FAM184A: variants seen among roughly 807,000 people sequenced by gnomAD.
FAM184A encodes the protein protein FAM184A.
Under a neutral mutation model 143.8 loss-of-function variants are expected in FAM184A, and 99 were observed. The ratio of observed to expected loss-of-function variants is 0.69; its 90% CI spans 0.58 to 0.81. The LOEUF (loss-of-function observed/expected upper bound fraction) is 0.81. Ranked by LOEUF, FAM184A falls within the 40% of genes least tolerant of loss-of-function variation. FAM184A has a pLI of 0.00. For synonymous variants in FAM184A, 427 were observed against 446.4 expected (o/e 0.96, Z 0.55); for missense variants, 1,217 against 1,310.5 (o/e 0.93, Z 1.10).
intron 14 of FAM184A, among the ~76,000 whole-genome samples, chr6:118,974,124 A>G (rs1413636136): frequency 6.6e-6 from 1 of 152,132 alleles, no homozygotes. Flanking sequence ...TTTACTTAAC[A>G]TTATATATAG....
intron 5 of FAM184A, among the ~76,000 whole-genome samples, chr6:119,016,266 G>C (rs2114671714): frequency 6.6e-6 from 1 of 152,282 alleles, no homozygotes; most frequent in South Asian, 2.1e-4. Flanking sequence ...GGCTGCCCGA[G>C]CCAGCATTGA....
intron 2 of FAM184A, among the ~76,000 whole-genome samples, chr6:119,023,707 G>T (rs1314224763): frequency 6.6e-6 from 1 of 150,952 alleles, no homozygotes; most frequent in East Asian, 2.0e-4. Context: ...AATTAGACAA[G>T]GTTTTAAGCT....
At chr6:119,000,023 C>T (rs1405859808) in intron 9 of FAM184A, among the ~76,000 whole-genome samples, 4 of 152,312 alleles carry the variant, frequency 2.6e-5, no homozygotes, top group Non-Finnish European at 4.4e-5. Context: ...AGCTAAATGA[C>T]TTTGTCTCAA....
At chr6:119,013,379 G>T (rs960652502) in intron 5 of FAM184A, among the ~76,000 whole-genome samples, 4 of 152,178 alleles carry the variant, frequency 2.6e-5, no homozygotes, top group Admixed American at 6.5e-5. Flanking sequence ...CTAAAGGCAG[G>T]ACATATGCAA....
At chr6:118,986,749 A>T (rs928775935) in intron 9 of FAM184A, among the ~76,000 whole-genome samples, 4 of 152,224 alleles carry the variant, frequency 2.6e-5, no homozygotes, top group Non-Finnish European at 5.9e-5. Flanking sequence ...CTAAAGTATA[A>T]TTCAATTAAT....
chr6:118,979,620 C>A, intron 10 of FAM184A, 102 bp from the exon 11 acceptor site: 2 of 905,798 alleles, frequency 2.2e-6, no homozygotes, highest in Non-Finnish European at 3.2e-6. Flanking sequence ...TTAAGAAATA[C>A]AAAATGTTTT....
At position 118,980,316 on chromosome 6, in the gene FAM184A, A is replaced by G. The variant is rs753535130; in HGVS notation, c.2123T>C (p.Leu708Pro). 1 of 1,613,984 alleles carries G rather than the reference A, an allele frequency of 6.2e-7. No individual in the cohort carries two copies. The highest frequency in any genetic ancestry group is 1.1e-5 in the South Asian group (1 of 91,064). Reference sequence around the variant, plus strand: ...TTGCAAAGAAGTCTGAGACTGGGAAAGCTGTATCTCCAGATTCTGTTTCAG... The same window carrying G: ...TTGCAAAGAAGTCTGAGACTGGGAAGGCTGTATCTCCAGATTCTGTTTCAG... ...SLLKQNLEIQ[L>P]SQSQTSLQQL... The change falls in exon 10 of 18, where the codon CTT becomes CCT. Residue 708 changes from leucine (L) to proline (P), a missense_variant. By Grantham distance (98) the Leu-to-Pro change is moderately conservative. Coordinates refer to ENST00000338891, the MANE Select transcript of FAM184A (RefSeq NM_024581.6).
rs149848530 is a variant in FAM184A, at chr6:118,989,428, A to G, written c.2089-9078T>C. Among the ~76,000 whole-genome samples the G allele has an allele frequency of 1.3e-3, 196 of 152,164 alleles. 1 individual carries two copies. The East Asian group carries it at 0.013, about 10-fold the overall frequency. On this transcript the variant is annotated intron_variant, in intron 9 of 17. Transcript: ENST00000338891. Reference sequence around the variant, plus strand: ...TATATTGCTATATTTTTATATTTATATTGCTAATTTTCAGAAAGAATGCAA... The same window carrying G: ...TATATTGCTATATTTTTATATTTATGTTGCTAATTTTCAGAAAGAATGCAA...
intron 15 of FAM184A, 52 bp from the exon 16 acceptor site, chr6:118,964,823 A>T (rs1012990154): frequency 1.0e-6 from 1 of 975,900 alleles, no homozygotes; most frequent in Non-Finnish European, 1.6e-6. Flanking sequence ...GGAATATTTT[A>T]AAAACATAAA....
rs367963686 is a variant in FAM184A at position 118,998,047 on chromosome 6, CTA to C, written c.2088+4850_2088+4851del. ...TGAGTATGAAAAATTCTAAAATACT[CTA>C]TGATTGTAAAATCAATACATCTAAG... On this transcript the variant is annotated intron_variant, in intron 9 of 17. Coordinates refer to ENST00000338891, the MANE Select transcript of FAM184A (RefSeq NM_024581.6). Among the ~76,000 whole-genome samples the C allele has an allele frequency of 5.6e-3, 859 of 152,236 alleles. 10 individuals carry two copies. The highest frequency in any genetic ancestry group is 0.02 in the African/African-American group (829 of 41,544).
intron 1 of FAM184A, among the ~76,000 whole-genome samples, chr6:119,048,786 G>A (rs1302307660): frequency 6.6e-6 from 1 of 151,918 alleles, no homozygotes; most frequent in Non-Finnish European, 1.5e-5. Flanking sequence ...GGATAATGGG[G>A]GATGGTAGTG....
At chr6:119,041,901 A>T (rs1786349171) in intron 1 of FAM184A, among the ~76,000 whole-genome samples, 1 of 151,916 alleles carries the variant, frequency 6.6e-6, no homozygotes, top group African/African-American at 2.4e-5. Flanking sequence ...GAGGTATAAC[A>T]CTCACCGCAT....
rs1342195959 is a variant in FAM184A, at chr6:119,078,189, G to T, written c.111C>A (p.Ser37Arg). 1 of 1,588,488 alleles carries T rather than the reference G, an allele frequency of 6.3e-7. No homozygotes were observed. The highest frequency in any genetic ancestry group is 8.5e-7 in the Non-Finnish European group (1 of 1,169,614). The change falls in exon 1 of 18, where the codon AGC becomes AGA. Residue 37 changes from serine to arginine, a missense_variant. Coordinates refer to ENST00000338891, the MANE Select transcript of FAM184A (RefSeq NM_024581.6). This position sits in a 1 kb window ranked among gnomAD's most constrained non-coding sequence, Gnocchi z 5.5. ...TGCTCATTTTCAGGTGCATCTCCTG[G>T]CTGTAGTCCATGCTGTGCCCAGCCA... ...AQLAGHSMDY[S>R]QEMHLKMSKK... is the part of the protein sequence containing the mutation.
At chr6:119,099,660 T>C (rs561540716) in intron 1 of FAM184A, among the ~76,000 whole-genome samples, 5 of 152,126 alleles carry the variant, frequency 3.3e-5, no homozygotes, top group African/African-American at 7.2e-5. Context: ...TTTCTCACAG[T>C]TGCTAACATT....
chr6:119,039,936 G>C (rs1011349384), intron 1 of FAM184A, among the ~76,000 whole-genome samples: 1 of 152,196 alleles, frequency 6.6e-6, no homozygotes, highest in African/African-American at 2.4e-5. Context: ...CCTCAGATGG[G>C]CATGTGTATA....
At chr6:119,086,901 G>A (rs987915475) in intron 1 of FAM184A, among the ~76,000 whole-genome samples, 3 of 152,168 alleles carry the variant, frequency 2.0e-5, no homozygotes, top group African/African-American at 4.8e-5. Flanking sequence ...AAGGCAGTGA[G>A]AGTAGGAACA....
At chr6:118,994,330 AAAAT>A (rs140437416) in intron 9 of FAM184A, among the ~76,000 whole-genome samples, 74 of 150,490 alleles carry the variant, frequency 4.9e-4, no homozygotes, top group African/African-American at 1.5e-3. Flanking sequence ...ACCTCGAGTT[AAAAT>A]AAATAAATAA....
chr6:119,106,159 G>A (rs897264140), intron 1 of FAM184A, among the ~76,000 whole-genome samples: 42 of 152,282 alleles, frequency 2.8e-4, no homozygotes, highest in Admixed American at 1.2e-3. Context: ...TTGGGAGGCC[G>A]AGGCGGGCGG....
intron 1 of FAM184A, among the ~76,000 whole-genome samples, chr6:119,062,487 T>C (rs1449267308): frequency 2.6e-5 from 4 of 151,950 alleles, no homozygotes; most frequent in Non-Finnish European, 4.4e-5. Context: ...GGCAAAATCC[T>C]GTCTCTATAA....
Sources: gnomAD v4.1 joint callset for allele counts (sites outside exome capture counted in the v4.1 genomes callset) on GRCh38, gnomAD v4.1.1 for gene constraint, Gnocchi (gnomAD v3.1) non-coding constraint, MANE v1.5 for transcripts, NCBI Gene and HGNC (gene_info 2026-07-23, HGNC 2026-07-21) for gene names.